ZNF208: variants seen among roughly 807,000 people sequenced by gnomAD.
ZNF208 encodes zinc finger protein 208.
In ZNF208, 10 loss-of-function variants were observed where a neutral mutation model predicts 12.1. That is an observed-to-expected ratio of 0.83 (90% CI 0.51 to 1.40). The LOEUF is 1.40. ZNF208 is among the 40% of genes most tolerant of loss of function. The pLI is 0.00. For missense variants in ZNF208, 1,652 were observed against 1,485.0 expected, an observed-to-expected ratio of 1.11 and a Z score of -1.85; for synonymous variants, 497 against 488.4, an observed-to-expected ratio of 1.02 and a Z score of -0.23.
intron 1 of ZNF208, 79 bp downstream of exon 1, chr19:22,010,713 G>C: frequency 6.2e-7 from 1 of 1,610,154 alleles, no homozygotes; most frequent in Non-Finnish European, 8.5e-7. Context: ...GGGGAGGCCT[G>C]AGTCCCGCCA....
At chr19:21,998,821 T>C (rs1401161278) in intron 1 of ZNF208, 2 of 152,228 alleles carry the variant, frequency 1.3e-5, no homozygotes, top group Non-Finnish European at 2.9e-5. Flanking sequence ...TTGGAATATA[T>C]CTGACAACTT....
chr19:21,985,629 C>T (rs1970618784), intron 3 of ZNF208, among the ~76,000 whole-genome samples: 1 of 152,202 alleles, frequency 6.6e-6, no homozygotes, highest in African/African-American at 2.4e-5. Context: ...AAACTCCTCC[C>T]AGCCACAGTC....
At chr19:22,001,149 G>C (rs1055035360) in intron 1 of ZNF208, among the ~76,000 whole-genome samples, 2 of 152,198 alleles carry the variant, frequency 1.3e-5, no homozygotes, top group Non-Finnish European at 2.9e-5. Flanking sequence ...CCCAGGCATA[G>C]TGGTGCATGC....
At position 21,987,271 on chromosome 19, in the gene ZNF208, C is replaced by G; in HGVS notation, c.171G>C (p.Glu57Asp). 1 of 1,612,364 alleles carries G rather than the reference C, an allele frequency of 6.2e-7. No homozygotes were observed. The highest frequency in any genetic ancestry group is 8.5e-7 in the Non-Finnish European group (1 of 1,179,320). Residue 57 changes from glutamate (E) to aspartate (D), a missense_variant, in exon 3 of 4, where the codon GAG becomes GAC. By Grantham distance (45) the Glu-to-Asp change is conservative (BLOSUM62 2). Around this residue, in one of 3 missense-constraint regions of ZNF208, gnomAD observed 410 missense variants for 378.2 expected, o/e 1.08. Coordinates refer to ENST00000397126, the MANE Select transcript of ZNF208 (RefSeq NM_007153.3). ...AFKPDLIIFL[E>D]EGKESWNMKR... ...TCATATTCCAGGACTCTTTTCCTTC[C>G]TCCAGAAAAATGATCAGGTCTGGCT...
chr19:21,987,693 C>A (rs547822980), intron 2 of ZNF208, among the ~76,000 whole-genome samples: 2 of 152,098 alleles, frequency 1.3e-5, no homozygotes, highest in African/African-American at 2.4e-5. Context: ...AGCTGCTCTC[C>A]GGTAAGTTAA....
chr19:21,988,649 C>A, intron 2 of ZNF208, 134 bp downstream of exon 2: 5 of 1,551,426 alleles, frequency 3.2e-6, no homozygotes. Flanking sequence ...GGCCCCTGAC[C>A]CCTTCTTCCA....
At chr19:21,979,268 C>G (rs1171500236) in intron 3 of ZNF208, among the ~76,000 whole-genome samples, 2 of 152,252 alleles carry the variant, frequency 1.3e-5, no homozygotes, top group East Asian at 1.9e-4. Flanking sequence ...CCCCAAGACA[C>G]AGAATCGTCA....
chr19:21,986,773 C>T (rs1970634704), intron 3 of ZNF208: 1 of 346,438 alleles, frequency 2.9e-6, no homozygotes, highest in Non-Finnish European at 5.2e-6. Flanking sequence ...GTAATAAAAA[C>T]AGGATGAAAT....
chr19:21,971,433 C>T lies in ZNF208; in HGVS notation c.3601G>A (p.Glu1201Lys), dbSNP rs180702988. ...GGCCACTTATAGGCTTTGCCACATT[C>T]TTCACATTTGTAGAGTTTCTCTCCA... ...HTGEKLYKCE[E>K]CGKAYKWPST... The change falls in exon 4 of 4, where the codon GAA becomes AAA. Residue 1201 changes from glutamate to lysine, a missense_variant. Glu to Lys is a moderately conservative substitution (Grantham distance 56). This residue lies in a region of ZNF208 where 1,239 missense variants were observed against 1,086.2 expected (regional missense o/e 1.14). Transcript: ENST00000397126. 13 of 1,610,182 alleles carry T rather than the reference C, an allele frequency of 8.1e-6. No homozygotes were observed. The highest frequency in any genetic ancestry group is 1.3e-5 in the African/African-American group (1 of 74,846).
At chr19:21,989,784 G>A (rs1484417972) in intron 1 of ZNF208, among the ~76,000 whole-genome samples, 1 of 152,192 alleles carries the variant, frequency 6.6e-6, no homozygotes, top group Non-Finnish European at 1.5e-5. Flanking sequence ...TCTAACTGGT[G>A]TGAGATGGTA....
chr19:22,001,732 A>G lies in ZNF208; in HGVS notation c.3+9060T>C, dbSNP rs115527633. ...TGATGAAACCCTGTCTCTTCTAAAA[A>G]CACACAAAAAATTAGCTGGGCATGG... On this transcript the variant is annotated intron_variant, in intron 1 of 3. Transcript: ENST00000397126. Among the ~76,000 whole-genome samples, 1,161 of 151,766 alleles carry G rather than the reference A, an allele frequency of 7.6e-3. 9 individuals are homozygous for G. The highest frequency in any genetic ancestry group is 0.026 in the African/African-American group (1,088 of 41,400).
rs573908950 is a variant in ZNF208 at position 22,005,868 on chromosome 19, C to T, written c.3+4924G>A. On this transcript the variant is annotated intron_variant, in intron 1 of 3. Coordinates refer to ENST00000397126, the MANE Select transcript of ZNF208 (RefSeq NM_007153.3). Reference sequence around the variant, plus strand: ...AAATAGCCGGGATTAGTAAAATTCTCTATCCTCTGTGTTCTCCAGGAACAC... The same window carrying T: ...AAATAGCCGGGATTAGTAAAATTCTTTATCCTCTGTGTTCTCCAGGAACAC... 2.6e-5 allele frequency among the ~76,000 whole-genome samples: 4 copies of T among 152,220 alleles called. No individual in the cohort carries two copies. In the East Asian group the frequency reaches 7.7e-4, roughly 29 times the overall value.
chr19:22,010,586 G>A (rs1383854327), intron 1 of ZNF208, among the ~76,000 whole-genome samples: 1 of 152,210 alleles, frequency 6.6e-6, no homozygotes, highest in Non-Finnish European at 1.5e-5. Context: ...CAATCACAGC[G>A]CAGGGAAGAG....
At chr19:21,980,821 TA>T (rs1356069385) in intron 3 of ZNF208, among the ~76,000 whole-genome samples, 5 of 152,018 alleles carry the variant, frequency 3.3e-5, no homozygotes, top group African/African-American at 1.2e-4. Flanking sequence ...CTAGCCAGTC[TA>T]ATAAAGAAGA....
intron 1 of ZNF208, among the ~76,000 whole-genome samples, chr19:22,009,924 G>A (rs1193939577): frequency 6.6e-6 from 1 of 152,106 alleles, no homozygotes; most frequent in Non-Finnish European, 1.5e-5. Flanking sequence ...GGTGGCTTAC[G>A]CCTATAATCC....
rs1239403714 is a variant in ZNF208 at position 21,966,926 on chromosome 19, CAT to C, written c.*4263_*4264del. ...TTGAGAAGAAGCTGGCTATTCATATCATGTTTGCTTTTTTATTAAATGTATTA... is the reference window on the plus strand; with the variant it reads ...TTGAGAAGAAGCTGGCTATTCATATCGTTTGCTTTTTTATTAAATGTATTA... On this transcript the variant is annotated 3_prime_UTR_variant, in exon 4 of 4. Coordinates refer to ENST00000397126, the MANE Select transcript of ZNF208 (RefSeq NM_007153.3). 1 of 152,094 alleles carries C rather than the reference CAT, an allele frequency of 6.6e-6. No individual in the cohort carries two copies. Among genetic ancestry groups the C allele is most frequent in the African/African-American group, 2.4e-5 (1 of 41,422 alleles). The allele number at this position is 152,094 out of a possible 1,614,324, so 9.4% of individuals were successfully genotyped here.
downstream of ZNF208, among the ~76,000 whole-genome samples, chr19:21,963,404 T>TA (rs1970110656): frequency 6.6e-6 from 1 of 152,070 alleles, no homozygotes; most frequent in Non-Finnish European, 1.5e-5. Flanking sequence ...GTGATATTTA[T>TA]AAAAACTTTT....
rs1970354616 is a variant in ZNF208, at chr19:21,973,547, G to C, written c.1487C>G (p.Pro496Arg). The change falls in exon 4 of 4, where the codon CCC becomes CGC. Residue 496 changes from proline (P) to arginine (R), a missense_variant. By Grantham distance (103) the Pro-to-Arg change is moderately radical (BLOSUM62 -2). This residue lies in a region of ZNF208 where 1,239 missense variants were observed against 1,086.2 expected (regional missense o/e 1.14). Coordinates refer to ENST00000397126, the MANE Select transcript of ZNF208 (RefSeq NM_007153.3). ...TTTGCCACATTCTTCACATTTGTAGGGTTTCTCTCCAGCATGAGTTGCCTT... is the reference window on the plus strand; with the variant it reads ...TTTGCCACATTCTTCACATTTGTAGCGTTTCTCTCCAGCATGAGTTGCCTT... ...CDKATHAGEK[P>R]YKCEECGKAF... The C allele has an allele frequency of 1.1e-5, 17 of 1,611,732 alleles. No individual in the cohort carries two copies. Among genetic ancestry groups the C allele is most frequent in the Non-Finnish European group, 1.4e-5 (16 of 1,179,614 alleles).
In ZNF208 at chr19:22,003,339, G is replaced by A. The variant is rs186640825; in HGVS notation, c.3+7453C>T. Among the ~76,000 whole-genome samples, 10 of 152,078 alleles carry A rather than the reference G, an allele frequency of 6.6e-5. No individual in the cohort carries two copies. The East Asian group carries it at 1.9e-3, about 29-fold the overall frequency. On this transcript the variant is annotated intron_variant, in intron 1 of 3. Transcript: ENST00000397126. The stretch of plus-strand genomic sequence containing the variant: ...AACAAAAGCAAAAACTGACAAATGG[G>A]ACCTAATTAAACTTTTTCACAGCAA...
Sources: allele counts gnomAD v4.1 joint callset (sites outside exome capture counted in the v4.1 genomes callset), GRCh38; gene constraint gnomAD v4.1.1; regional missense constraint gnomAD v4.1.1; transcripts MANE v1.5; gene names NCBI Gene and HGNC (gene_info 2026-07-23, HGNC 2026-07-21).